The following B3GALT1 variants were observed in gnomAD, a reference collection of about 807,000 sequenced individuals.
The protein encoded by B3GALT1 is beta-1,3-galactosyltransferase 1.
B3GALT1 carries 10 observed loss-of-function variants against 23.2 expected under a neutral mutation model. The ratio of observed to expected loss-of-function variants is 0.43; its 90% CI spans 0.27 to 0.73. The LOEUF (loss-of-function observed/expected upper bound fraction) is 0.73. Among genes scored for constraint, B3GALT1 ranks in the 30% least tolerant of loss-of-function variants. The pLI, the probability that B3GALT1 is intolerant of heterozygous loss-of-function variation, is 0.21. For synonymous variants in B3GALT1, 156 were observed against 141.5 expected, an observed-to-expected ratio of 1.10 and a Z score of -0.73; for missense variants, 299 against 405.4, an observed-to-expected ratio of 0.74 and a Z score of 2.25.
chr2:167,776,953 A>C (rs548379453), intron 3 of B3GALT1, among the ~76,000 whole-genome samples: 142 of 152,206 alleles, frequency 9.3e-4, no homozygotes, highest in Non-Finnish European at 1.8e-3. Flanking sequence ...GTGTGTACAC[A>C]GGCTAAGGTT....
chr2:167,730,641 G>A (rs887624619), intron 3 of B3GALT1, among the ~76,000 whole-genome samples: 5 of 152,122 alleles, frequency 3.3e-5, no homozygotes, highest in South Asian at 2.1e-4. Flanking sequence ...CTCAGAGCTG[G>A]CGCCCTTCTT....
intron 3 of B3GALT1, among the ~76,000 whole-genome samples, chr2:167,701,372 C>G (rs1686880120): frequency 6.6e-6 from 1 of 152,008 alleles, no homozygotes; most frequent in African/African-American, 2.4e-5. Flanking sequence ...CTGAAGATTT[C>G]CAGTGCAGCA....
At chr2:167,449,207 A>G (rs1699050757) in intron 1 of B3GALT1, among the ~76,000 whole-genome samples, 1 of 152,132 alleles carries the variant, frequency 6.6e-6, no homozygotes, top group South Asian at 2.1e-4. Flanking sequence ...TTTTCACAGT[A>G]GTGATTCTAC....
At chr2:167,447,635 C>G (rs899903892) in intron 1 of B3GALT1, among the ~76,000 whole-genome samples, 1 of 152,132 alleles carries the variant, frequency 6.6e-6, no homozygotes, top group African/African-American at 2.4e-5. Flanking sequence ...ATGAGTGAAC[C>G]TCCATGGGTG....
At chr2:167,629,041 G>T (rs1488445162) in intron 2 of B3GALT1, among the ~76,000 whole-genome samples, 2 of 151,518 alleles carry the variant, frequency 1.3e-5, no homozygotes, top group African/African-American at 2.4e-5. Context: ...TGGACATAAG[G>T]GAAGTAGAAA....
intron 1 of B3GALT1, among the ~76,000 whole-genome samples, chr2:167,441,985 C>A (rs1390344386): frequency 6.6e-6 from 1 of 151,754 alleles, no homozygotes; most frequent in Non-Finnish European, 1.5e-5. Context: ...CCCATTAACT[C>A]GTCATCTAGC....
At chr2:167,692,878 C>A (rs1485446053) in intron 3 of B3GALT1, among the ~76,000 whole-genome samples, 1 of 151,948 alleles carries the variant, frequency 6.6e-6, no homozygotes, top group Non-Finnish European at 1.5e-5. Flanking sequence ...TGTGGATAAT[C>A]TGGGAGAAAA....
At chr2:167,570,687 C>T (rs1350984467) in intron 2 of B3GALT1, among the ~76,000 whole-genome samples, 2 of 151,720 alleles carry the variant, frequency 1.3e-5, no homozygotes, top group Non-Finnish European at 2.9e-5. Flanking sequence ...AATTCATGTC[C>T]TTTAGTTTTT....
chr2:167,372,463 C>T (rs1697701518), intron 1 of B3GALT1, among the ~76,000 whole-genome samples: 3 of 152,024 alleles, frequency 2.0e-5, no homozygotes, highest in African/African-American at 4.8e-5. Context: ...CCCCCTTCCA[C>T]CACTTCTATT....
chr2:167,582,258 CA>C (rs1363966966), intron 2 of B3GALT1, among the ~76,000 whole-genome samples: 1 of 151,002 alleles, frequency 6.6e-6, no homozygotes, highest in Admixed American at 6.6e-5. Flanking sequence ...CACCCTGAAG[CA>C]AAAAAAAATT....
rs921593737 is a variant in B3GALT1 at position 167,872,524 on chromosome 2, C to T, written c.*2504C>T. The T allele has an allele frequency of 6.6e-6, 1 of 152,246 alleles. No individual in the cohort carries two copies. Among genetic ancestry groups the T allele is most frequent in the Non-Finnish European group, 1.5e-5 (1 of 68,054 alleles). The allele number at this position is 152,246 out of a possible 1,614,324, so 9.4% of individuals were successfully genotyped here. A position where few individuals can be genotyped will look rare whatever the true frequency, so the allele number is the denominator to read the frequency against. ...AATCACTGGGAAAGTCTCACGACTT[C>T]TTACTTGGTTTACCTTCGAGTTGTG... is the stretch of plus-strand genomic sequence containing the variant. On this transcript the variant is annotated 3_prime_UTR_variant, in exon 5 of 5. Coordinates refer to ENST00000392690, the MANE Select transcript of B3GALT1 (RefSeq NM_020981.4).
intron 2 of B3GALT1, among the ~76,000 whole-genome samples, chr2:167,614,118 T>A (rs1187652220): frequency 2.0e-5 from 3 of 151,756 alleles, no homozygotes; most frequent in Non-Finnish European, 4.4e-5. Context: ...ACAAAATTAC[T>A]ATTATTTGTG....
chr2:167,433,508 T>C (rs1254205267), intron 1 of B3GALT1, among the ~76,000 whole-genome samples: 2 of 152,158 alleles, frequency 1.3e-5, no homozygotes, highest in Non-Finnish European at 2.9e-5. Context: ...TAAGAGTTGA[T>C]AGGTTAAAAA....
intron 1 of B3GALT1, among the ~76,000 whole-genome samples, chr2:167,317,884 G>T (rs1395228903): frequency 6.6e-6 from 1 of 152,090 alleles, no homozygotes; most frequent in East Asian, 1.9e-4. Context: ...ATTCCAACAT[G>T]AGGGCCTAAA....
intron 3 of B3GALT1, among the ~76,000 whole-genome samples, chr2:167,666,294 A>G (rs1320969758): frequency 6.6e-6 from 1 of 152,124 alleles, no homozygotes; most frequent in Non-Finnish European, 1.5e-5. Flanking sequence ...TTCTAGTTTG[A>G]TTGCACTGTG....
In B3GALT1 at chr2:167,330,283, G is replaced by C. The variant is rs546912835; in HGVS notation, c.-511+36949G>C. 3.4e-5 allele frequency among the ~76,000 whole-genome samples: 5 copies of C among 146,968 alleles called. No homozygotes were observed. The South Asian group carries it at 8.3e-4, about 24-fold the overall frequency. ...TCTGTTCATGTTCTGAGATTCTTCTGCTAGATCTAGTCTATTGTTGAAGCT... is the reference window on the plus strand; with the variant it reads ...TCTGTTCATGTTCTGAGATTCTTCTCCTAGATCTAGTCTATTGTTGAAGCT... On this transcript the variant is annotated intron_variant, in intron 1 of 4. Coordinates refer to ENST00000392690, the MANE Select transcript of B3GALT1 (RefSeq NM_020981.4).
At chr2:167,715,864 T>C in intron 3 of B3GALT1, 2 of 1,613,876 alleles carry the variant, frequency 1.2e-6, no homozygotes, top group Non-Finnish European at 1.7e-6. Flanking sequence ...TAAAGCCGAC[T>C]CCTAACCGAT....
rs1280273563 is a variant in B3GALT1 at position 167,870,501 on chromosome 2, TA to T, written c.*483del. The T allele has an allele frequency of 5.9e-6, 1 of 169,290 alleles. No homozygotes were observed. Among genetic ancestry groups the T allele is most frequent in the Non-Finnish European group, 1.4e-5 (1 of 69,480 alleles). The allele number at this position is 169,290 out of a possible 1,614,324, so 10.5% of individuals were successfully genotyped here. ...TTATATTTTTACATATATTCCCATG[TA>T]ATGTGTACAGTCTTTGCAGTTCCAC... is the stretch of plus-strand genomic sequence containing the variant. On this transcript the variant is annotated 3_prime_UTR_variant, in exon 5 of 5. Transcript: ENST00000392690.
rs16853514 is a variant in B3GALT1 at position 167,361,622 on chromosome 2, T to C, written c.-511+68288T>C. Among the ~76,000 whole-genome samples, 782 of 152,328 alleles carry C rather than the reference T, an allele frequency of 5.1e-3. 6 individuals carry two copies. The highest frequency in any genetic ancestry group is 0.018 in the African/African-American group (735 of 41,568). ...CAAATAGAAAAAAATTCTCTCTGCT[T>C]TTCCTTTGTCAGAGCAACTTACTGC... On this transcript the variant is annotated intron_variant, in intron 1 of 4. Coordinates refer to ENST00000392690, the MANE Select transcript of B3GALT1 (RefSeq NM_020981.4).
Sources: gnomAD v4.1 joint callset for allele counts (sites outside exome capture counted in the v4.1 genomes callset) on GRCh38, gnomAD v4.1.1 for gene constraint, MANE v1.5 for transcripts, NCBI Gene and HGNC (gene_info 2026-07-23, HGNC 2026-07-21) for gene names.